CAMKMT: variants seen among roughly 807,000 people sequenced by gnomAD.
CAMKMT encodes calmodulin-lysine N-methyltransferase, also known as CaM KMT.
In CAMKMT, 53 loss-of-function variants were observed where a neutral mutation model predicts 48.0. The ratio of observed to expected loss-of-function variants is 1.10; its 90% CI spans 0.89 to 1.39. CAMKMT has a LOEUF of 1.39. Among genes scored for constraint, CAMKMT ranks in the 40% most tolerant of loss-of-function variants. The probability of loss-of-function intolerance (pLI) is 0.00; values close to 1 mark genes in which losing one functional copy is unlikely to be tolerated. For synonymous variants in CAMKMT, 165 were observed against 152.3 expected (o/e 1.08, Z -0.61); for missense variants, 428 against 402.7 (o/e 1.06, Z -0.54).
At chr2:44,446,290 C>T (rs1020516584) in intron 3 of CAMKMT, among the ~76,000 whole-genome samples, 10 of 151,914 alleles carry the variant, frequency 6.6e-5, no homozygotes, top group African/African-American at 2.2e-4. Flanking sequence ...GGTTCAGTTG[C>T]GTTGATTATT....
At chr2:44,467,841 C>T (rs1015880545) in intron 3 of CAMKMT, among the ~76,000 whole-genome samples, 2 of 152,064 alleles carry the variant, frequency 1.3e-5, no homozygotes, top group African/African-American at 4.8e-5. Flanking sequence ...TCTCACCATG[C>T]ACAAAAATCA....
intron 3 of CAMKMT, among the ~76,000 whole-genome samples, chr2:44,473,296 A>G (rs1209689508): frequency 6.6e-6 from 1 of 152,228 alleles, no homozygotes; most frequent in Non-Finnish European, 1.5e-5. Context: ...TTGGAACCTC[A>G]TTAGTAGATT....
At chr2:44,471,057 C>T (rs955977343) in intron 3 of CAMKMT, among the ~76,000 whole-genome samples, 3 of 139,838 alleles carry the variant, frequency 2.1e-5, no homozygotes, top group Admixed American at 1.5e-4. Context: ...TGCAGTGGTG[C>T]GATCTTGGCT....
intron 2 of CAMKMT, among the ~76,000 whole-genome samples, chr2:44,379,709 G>T (rs1680050760): frequency 6.7e-6 from 1 of 149,970 alleles, no homozygotes; most frequent in African/African-American, 2.5e-5. Flanking sequence ...TTGGCCATTT[G>T]TATTTTTTTT....
intron 3 of CAMKMT, among the ~76,000 whole-genome samples, chr2:44,451,205 A>G (rs1238279971): frequency 2.6e-5 from 4 of 152,080 alleles, no homozygotes; most frequent in Admixed American, 2.6e-4. Flanking sequence ...AAACACATTT[A>G]GTTCCTAAAG....
At chr2:44,583,251 A>G (rs1260186435) in intron 3 of CAMKMT, among the ~76,000 whole-genome samples, 1 of 152,136 alleles carries the variant, frequency 6.6e-6, no homozygotes, top group East Asian at 1.9e-4. Context: ...GAGCCATCAG[A>G]TACAGTAATC....
intron 7 of CAMKMT, among the ~76,000 whole-genome samples, chr2:44,742,306 C>T (rs1679722478): frequency 1.3e-5 from 2 of 152,182 alleles, no homozygotes; most frequent in African/African-American, 4.8e-5. Context: ...CAGTAGGCCT[C>T]AGCAAGTACA....
At chr2:44,617,184 T>C (rs1671940811) in intron 3 of CAMKMT, among the ~76,000 whole-genome samples, 1 of 152,232 alleles carries the variant, frequency 6.6e-6, no homozygotes, top group Non-Finnish European at 1.5e-5. Flanking sequence ...GAAATTCATC[T>C]GCTATGTGGT....
chr2:44,601,054 G>C (rs951396923), intron 3 of CAMKMT, among the ~76,000 whole-genome samples: 10 of 151,986 alleles, frequency 6.6e-5, no homozygotes, highest in African/African-American at 2.4e-4. Context: ...ATAACATCTA[G>C]CTATATTTTG....
intron 3 of CAMKMT, among the ~76,000 whole-genome samples, chr2:44,543,272 G>A (rs1355346752): frequency 2.0e-5 from 3 of 152,126 alleles, no homozygotes; most frequent in Admixed American, 1.3e-4. Flanking sequence ...GTGCCTTTTA[G>A]AGCCTCTATT....
At chr2:44,371,817 C>A (rs1162179285) in intron 1 of CAMKMT, among the ~76,000 whole-genome samples, 2 of 152,136 alleles carry the variant, frequency 1.3e-5, no homozygotes, top group African/African-American at 4.8e-5. Context: ...TAATTGATGT[C>A]ATGAAATATC....
chr2:44,491,714 A>G (rs964728447), intron 3 of CAMKMT, among the ~76,000 whole-genome samples: 2 of 152,092 alleles, frequency 1.3e-5, no homozygotes, highest in African/African-American at 4.8e-5. Context: ...CTTTATGGCT[A>G]TGAGGGCAGA....
At chr2:44,545,329 C>G (rs1246833338) in intron 3 of CAMKMT, among the ~76,000 whole-genome samples, 2 of 152,198 alleles carry the variant, frequency 1.3e-5, no homozygotes, top group Non-Finnish European at 2.9e-5. Flanking sequence ...AAACATAAAA[C>G]TTAGTAAACC....
At chr2:44,607,814 T>C (rs1671369897) in intron 3 of CAMKMT, among the ~76,000 whole-genome samples, 1 of 152,108 alleles carries the variant, frequency 6.6e-6, no homozygotes, top group East Asian at 1.9e-4. Flanking sequence ...TTATATATGC[T>C]CATTACTTTA....
intron 3 of CAMKMT, among the ~76,000 whole-genome samples, chr2:44,601,974 G>T (rs1671017609): frequency 6.6e-6 from 1 of 151,874 alleles, no homozygotes; most frequent in African/African-American, 2.4e-5. Context: ...TATTGCATAT[G>T]CTATATTGTA....
chr2:44,597,876 A>T (rs1222721288), intron 3 of CAMKMT, among the ~76,000 whole-genome samples: 2 of 152,086 alleles, frequency 1.3e-5, no homozygotes, highest in African/African-American at 4.8e-5. Context: ...AGCTGGGATT[A>T]CAGGCATGCA....
chr2:44,402,158 C>T (rs1682432024), intron 3 of CAMKMT, among the ~76,000 whole-genome samples: 1 of 152,000 alleles, frequency 6.6e-6, no homozygotes, highest in Non-Finnish European at 1.5e-5. Flanking sequence ...GAAACCCCGT[C>T]TCTACTAAAG....
chr2:44,416,065 G>T (rs1335564792), intron 3 of CAMKMT, among the ~76,000 whole-genome samples: 2 of 152,092 alleles, frequency 1.3e-5, no homozygotes, highest in African/African-American at 4.8e-5. Flanking sequence ...TTAACTAAAT[G>T]CTTCATCAAG....
intron 1 of CAMKMT, among the ~76,000 whole-genome samples, chr2:44,368,523 G>A (rs1053133915): frequency 6.6e-6 from 1 of 152,126 alleles, no homozygotes; most frequent in Non-Finnish European, 1.5e-5. Flanking sequence ...CGATCATGTA[G>A]ATCACGTTGT....
Sources: allele counts gnomAD v4.1 joint callset (sites outside exome capture counted in the v4.1 genomes callset), GRCh38; gene constraint gnomAD v4.1.1; transcripts MANE v1.5; gene names NCBI Gene and HGNC (gene_info 2026-07-23, HGNC 2026-07-21).